The following ATG7 variants were observed in gnomAD, a reference collection of about 807,000 sequenced individuals.
ATG7 encodes ubiquitin-like modifier-activating enzyme ATG7.
Under a neutral mutation model 82.4 loss-of-function variants are expected in ATG7, and 70 were observed. That is an observed-to-expected ratio of 0.85 (90% CI 0.70 to 1.04). The LOEUF (loss-of-function observed/expected upper bound fraction) is 1.04. ATG7 is among the 50% of genes least tolerant of loss of function. The pLI is 0.00. For synonymous variants in ATG7, 287 were observed against 313.0 expected (o/e 0.92, Z 0.88); for missense variants, 792 against 864.3 (o/e 0.92, Z 1.05).
chr3:11,498,318 GGAT>G (rs1202650465), intron 20 of ATG7, among the ~76,000 whole-genome samples: 2 of 152,146 alleles, frequency 1.3e-5, no homozygotes, highest in Non-Finnish European at 2.9e-5. Context: ...CTGCTATCTG[GGAT>G]GATATTTTTG....
At chr3:11,559,964 G>C (rs1318723133), downstream of ATG7, among the ~76,000 whole-genome samples, 1 of 152,180 alleles carries the variant, frequency 6.6e-6, no homozygotes, top group African/African-American at 2.4e-5. Flanking sequence ...AATCGGGACA[G>C]AGAGGAAATG....
the ATG7 span, chr3:11,564,691 T>TCCCTCCCTCACCACCG: frequency 5.0e-3 from 6,346 of 1,277,052 alleles, 35 homozygotes; most frequent in Middle Eastern, 7.8e-3. Context: ...CCTCACCACC[T>TCCCTCCCTCACCACCG]CCCTCCCTCA....
At chr3:11,487,079 A>G (rs1303384740) in intron 20 of ATG7, among the ~76,000 whole-genome samples, 4 of 150,508 alleles carry the variant, frequency 2.7e-5, no homozygotes, top group Non-Finnish European at 5.9e-5. Flanking sequence ...AACAAAGCAC[A>G]TCTTGCACCG....
rs1443551848 is a variant in ATG7, at chr3:11,555,163, G to A, written c.*320G>A. 3 of 380,224 alleles carry A rather than the reference G, an allele frequency of 7.9e-6. No individual in the cohort carries two copies. Among genetic ancestry groups the A allele is most frequent in the Non-Finnish European group, 1.4e-5 (3 of 210,296 alleles). 23.6% of individuals were successfully genotyped at this position (380,224 alleles called of 1,614,324 possible). On this transcript the variant is annotated 3_prime_UTR_variant, in exon 21 of 21. Transcript: ENST00000693202. The stretch of plus-strand genomic sequence containing the variant: ...CAGGATCCTTTCCCCTTGGCCCTGA[G>A]GGGGTGACCCAACACAGACCAAATG...
At chr3:11,366,001 C>T (rs956526365) in intron 18 of ATG7, among the ~76,000 whole-genome samples, 2 of 151,852 alleles carry the variant, frequency 1.3e-5, no homozygotes, top group South Asian at 2.1e-4. Context: ...GGGTGGATCA[C>T]GAGGAGAGGA....
intron 20 of ATG7, among the ~76,000 whole-genome samples, chr3:11,521,423 T>G (rs2092438514): frequency 6.6e-6 from 1 of 152,014 alleles, no homozygotes; most frequent in Admixed American, 6.6e-5. Context: ...AGGTGACGTT[T>G]TAGACTGGGG....
chr3:11,403,645 G>C (rs58452446), intron 19 of ATG7, among the ~76,000 whole-genome samples: 6,131 of 152,214 alleles, frequency 0.04, 412 homozygotes, highest in African/African-American at 0.14. Flanking sequence ...AGTAGGTGAA[G>C]CAGTCTGGTT....
intron 20 of ATG7, among the ~76,000 whole-genome samples, chr3:11,519,223 A>C (rs1021208151): frequency 1.3e-5 from 2 of 152,210 alleles, no homozygotes; most frequent in Admixed American, 1.3e-4. Flanking sequence ...GTTTATACCA[A>C]TGAGTTTCCT....
At chr3:11,561,134 CA>C (rs2072956850), downstream of ATG7, among the ~76,000 whole-genome samples, 1 of 151,718 alleles carries the variant, frequency 6.6e-6, no homozygotes, top group Non-Finnish European at 1.5e-5. Flanking sequence ...GACCCCCCCC[CA>C]GGGTCCTCCC....
chr3:11,398,681 C>T (rs368484931), intron 19 of ATG7, among the ~76,000 whole-genome samples: 6 of 152,218 alleles, frequency 3.9e-5, no homozygotes, highest in East Asian at 1.9e-4. Flanking sequence ...AGCAAGACCC[C>T]GTCTCTACAG....
At chr3:11,453,382 G>A (rs183237337) in intron 20 of ATG7, among the ~76,000 whole-genome samples, 2 of 152,166 alleles carry the variant, frequency 1.3e-5, no homozygotes, top group Non-Finnish European at 2.9e-5. Context: ...AACTCAGAGG[G>A]ATAAAAGGAT....
chr3:11,344,862 C>G (rs999609882), intron 13 of ATG7, among the ~76,000 whole-genome samples: 1 of 152,136 alleles, frequency 6.6e-6, no homozygotes, highest in African/African-American at 2.4e-5. Context: ...AAGCAAGACA[C>G]TGTCTCAATC....
intron 16 of ATG7, among the ~76,000 whole-genome samples, chr3:11,361,136 A>G (rs956003860): frequency 5.9e-5 from 9 of 152,188 alleles, no homozygotes; most frequent in Non-Finnish European, 5.9e-5. Flanking sequence ...GATTCCATCA[A>G]TGGCTTGACA....
At chr3:11,306,519 T>G (rs947473355) in intron 5 of ATG7, among the ~76,000 whole-genome samples, 1 of 152,098 alleles carries the variant, frequency 6.6e-6, no homozygotes, top group African/African-American at 2.4e-5. Context: ...ACTCAGCTAG[T>G]TCTGGTTTTA....
intron 20 of ATG7, among the ~76,000 whole-genome samples, chr3:11,465,437 T>A (rs2086732350): frequency 7.7e-6 from 1 of 129,728 alleles, no homozygotes; most frequent in Non-Finnish European, 1.6e-5. Context: ...AGAGAGAGAC[T>A]CTGTCTCAAA....
At chr3:11,426,203 A>G (rs2082350178) in intron 19 of ATG7, among the ~76,000 whole-genome samples, 1 of 151,828 alleles carries the variant, frequency 6.6e-6, no homozygotes, top group Admixed American at 6.6e-5. Context: ...AGCACTTGGT[A>G]TTTTCTTTGT....
At chr3:11,401,943 TTAAA>T (rs1017336160) in intron 19 of ATG7, among the ~76,000 whole-genome samples, 3 of 152,216 alleles carry the variant, frequency 2.0e-5, no homozygotes, top group African/African-American at 7.2e-5. Flanking sequence ...GAACCTTTTC[TTAAA>T]TAATAAACAT....
At chr3:11,348,370 A>G (rs577915831) in intron 14 of ATG7, 53 of 208,074 alleles carry the variant, frequency 2.5e-4, no homozygotes, top group African/African-American at 1.2e-3. Context: ...GTTCCTTCAG[A>G]TGTGTCTGGA....
At chr3:11,314,354 C>T (rs756967260) in intron 8 of ATG7, among the ~76,000 whole-genome samples, 2 of 152,116 alleles carry the variant, frequency 1.3e-5, no homozygotes, top group Admixed American at 1.3e-4. Context: ...ATACTGATGC[C>T]ATCATTCAGG....
Sources: gnomAD v4.1 joint callset for allele counts (sites outside exome capture counted in the v4.1 genomes callset) on GRCh38, gnomAD v4.1.1 for gene constraint, MANE v1.5 for transcripts, NCBI Gene and HGNC (gene_info 2026-07-23, HGNC 2026-07-21) for gene names.